Variants in GRM5 observed in about 807,000 individuals in gnomAD.
GRM5 encodes glutamate metabotropic receptor 5, also known as metabotropic glutamate receptor 5.
GRM5 carries 19 observed loss-of-function variants against 83.1 expected under a neutral mutation model. The observed-to-expected ratio is 0.23, with a 90% CI of 0.16 to 0.34. The LOEUF is 0.34. Ranked by LOEUF, GRM5 falls within the 10% of genes least tolerant of loss-of-function variation. The pLI is 1.00. For synonymous variants in GRM5, 675 were observed against 633.6 expected, an observed-to-expected ratio of 1.07 and a Z score of -0.98; for missense variants, 1,160 against 1,588.3, an observed-to-expected ratio of 0.73 and a Z score of 4.58.
chr11:88,644,334 T>C (rs917575436), intron 4 of GRM5, among the ~76,000 whole-genome samples: 1 of 152,138 alleles, frequency 6.6e-6, no homozygotes, highest in African/African-American at 2.4e-5. Flanking sequence ...TTTAACACTA[T>C]GAGAAATAAA....
chr11:88,736,685 G>T (rs556841072), intron 3 of GRM5, among the ~76,000 whole-genome samples: 36 of 152,116 alleles, frequency 2.4e-4, no homozygotes, highest in African/African-American at 8.7e-4. Context: ...TTCCCTGCAG[G>T]ATGGGAATTG....
intron 3 of GRM5, among the ~76,000 whole-genome samples, chr11:88,739,650 C>T (rs1211858617): frequency 6.6e-6 from 1 of 152,000 alleles, no homozygotes; most frequent in Non-Finnish European, 1.5e-5. Context: ...TCTCACGAGA[C>T]TGGATGGTTT....
At chr11:88,767,867 C>T (rs1216895590) in intron 3 of GRM5, among the ~76,000 whole-genome samples, 1 of 151,812 alleles carries the variant, frequency 6.6e-6, no homozygotes, top group African/African-American at 2.4e-5. Context: ...TCATTAGGGA[C>T]ATTCAAATCA....
chr11:88,626,034 C>A (rs535119381), intron 4 of GRM5, among the ~76,000 whole-genome samples: 5 of 151,878 alleles, frequency 3.3e-5, no homozygotes, highest in Non-Finnish European at 5.9e-5. Flanking sequence ...TTTTTTTTTA[C>A]CAGATTACCT....
chr11:88,539,934 A>G (rs560343568), intron 8 of GRM5, among the ~76,000 whole-genome samples: 28 of 152,278 alleles, frequency 1.8e-4, no homozygotes, highest in African/African-American at 6.5e-4. Flanking sequence ...CTGCCTGACT[A>G]CTAGTTTAGT....
intron 8 of GRM5, among the ~76,000 whole-genome samples, chr11:88,539,572 C>T (rs1942215888): frequency 6.6e-6 from 1 of 152,170 alleles, no homozygotes; most frequent in South Asian, 2.1e-4. Flanking sequence ...CCAGATAGCT[C>T]TGATACAAAA....
Position 88,838,759 on chromosome 11 carries a change from G to C in GRM5, c.911+11147C>G, listed in dbSNP as rs116246286. On this transcript the variant is annotated intron_variant, in intron 3 of 9. Transcript: ENST00000305447. The stretch of plus-strand genomic sequence containing the variant: ...CTCTCCTCATTGTTTATAACAGATG[G>C]AGTAATACCTTTCAAAAATAATAAA... Among the ~76,000 whole-genome samples the C allele has an allele frequency of 1.5e-3, 226 of 151,996 alleles. 1 individual carries two copies. Among genetic ancestry groups the C allele is most frequent in the African/African-American group, 5.1e-3 (211 of 41,436 alleles).
chr11:88,832,937 C>G (rs1030203415), intron 3 of GRM5, among the ~76,000 whole-genome samples: 12 of 151,986 alleles, frequency 7.9e-5, no homozygotes, highest in African/African-American at 2.9e-4. Context: ...AACAGGACCC[C>G]TAACTCTCAT....
At chr11:88,881,951 T>C (rs541746257) in intron 2 of GRM5, among the ~76,000 whole-genome samples, 11 of 152,250 alleles carry the variant, frequency 7.2e-5, no homozygotes, top group African/African-American at 2.2e-4. Flanking sequence ...CAAATCAGAA[T>C]TGATGGAATG....
chr11:88,509,939 C>T (rs1401570224), intron 9 of GRM5, among the ~76,000 whole-genome samples: 5 of 152,070 alleles, frequency 3.3e-5, no homozygotes, highest in Admixed American at 3.3e-4. Flanking sequence ...CACTAGGACC[C>T]AAACTCACCA....
At chr11:88,723,242 A>G (rs1453373077) in intron 3 of GRM5, among the ~76,000 whole-genome samples, 1 of 151,094 alleles carries the variant, frequency 6.6e-6, no homozygotes, top group African/African-American at 2.4e-5. Context: ...CTACTATTCT[A>G]TTGTATGAAT....
intron 8 of GRM5, among the ~76,000 whole-genome samples, chr11:88,527,132 G>C (rs182189107): frequency 1.7e-3 from 262 of 152,236 alleles, no homozygotes; most frequent in Middle Eastern, 3.4e-3. Flanking sequence ...AAAGTATTTT[G>C]TGCTTCTTTG....
In GRM5 at chr11:88,561,431, A is replaced by G. The variant is rs150786372; in HGVS notation, c.2630+5622T>C. The stretch of plus-strand genomic sequence containing the variant: ...ACTTCTGAGAAAATTTATAACTTCC[A>G]GCTGTAGGTCTCTGTCATCAATTTA... On this transcript the variant is annotated intron_variant, in intron 8 of 9. Coordinates refer to ENST00000305447, the MANE Select transcript of GRM5 (RefSeq NM_001143831.3). Among the ~76,000 whole-genome samples, 789 of 152,308 alleles carry G rather than the reference A, an allele frequency of 5.2e-3. 11 individuals are homozygous for G. The highest frequency in any genetic ancestry group is 0.018 in the African/African-American group (750 of 41,568).
chr11:88,583,158 A>G (rs987274880), intron 7 of GRM5, among the ~76,000 whole-genome samples: 2 of 152,048 alleles, frequency 1.3e-5, no homozygotes. Context: ...AAGCTGAGGA[A>G]CACAAATTAA....
intron 2 of GRM5, among the ~76,000 whole-genome samples, chr11:88,891,094 C>CTT (rs1945136901): frequency 1.3e-5 from 2 of 151,946 alleles, no homozygotes; most frequent in African/African-American, 4.8e-5. Flanking sequence ...CACTAATCTG[C>CTT]CCTTTAGCAA....
chr11:88,608,413 C>A (rs1333214344), intron 4 of GRM5, among the ~76,000 whole-genome samples: 6 of 152,032 alleles, frequency 3.9e-5, no homozygotes, highest in Non-Finnish European at 8.8e-5. Context: ...ATTATTTTCA[C>A]TTTACCAACA....
At chr11:89,032,607 C>G (rs1409587274) in intron 2 of GRM5, among the ~76,000 whole-genome samples, 1 of 151,886 alleles carries the variant, frequency 6.6e-6, no homozygotes, top group Non-Finnish European at 1.5e-5. Context: ...TTATTGTGTG[C>G]CAAGTATTAC....
rs191190512 is a variant in GRM5, at chr11:88,699,494, C to T, written c.912-46091G>A. ...AGGAGTGTTGATTGCTGACAACTCA[C>T]AGCTGAGTCTCTGTCTGGGCCTCTC... On this transcript the variant is annotated intron_variant, in intron 3 of 9. Transcript: ENST00000305447. 2.0e-5 allele frequency among the ~76,000 whole-genome samples: 3 copies of T among 152,244 alleles called. No individual in the cohort carries two copies. In the East Asian group the frequency reaches 5.8e-4, roughly 30 times the overall value.
rs11457342 is a variant in GRM5, at chr11:88,820,374, C to CAAAAAAA, written c.911+29525_911+29531dup. ...TGGGCAACAGAGCAAAACTCCATCT[C>CAAAAAAA]AAAAAAAAAAAAAAAAAAAGCCAAT... On this transcript the variant is annotated intron_variant, in intron 3 of 9. Coordinates refer to ENST00000305447, the MANE Select transcript of GRM5 (RefSeq NM_001143831.3). Among the ~76,000 whole-genome samples the CAAAAAAA allele has an allele frequency of 2.5e-4, 17 of 68,880 alleles. 1 individual carries two copies. The highest frequency in any genetic ancestry group is 8.9e-4 in the African/African-American group (15 of 16,762). The allele number at this position is 68,880 out of a possible 152,430, so 45.2% of individuals were successfully genotyped here.
Sources: allele counts gnomAD v4.1 joint callset (sites outside exome capture counted in the v4.1 genomes callset), GRCh38; gene constraint gnomAD v4.1.1; transcripts MANE v1.5; gene names NCBI Gene and HGNC (gene_info 2026-07-23, HGNC 2026-07-21).